Variants in ALMS1 observed in about 807,000 individuals in gnomAD.
ALMS1 encodes centrosome-associated protein ALMS1.
In ALMS1, 271 loss-of-function variants were observed where a neutral mutation model predicts 352.2. The observed-to-expected ratio is 0.77, with a 90% CI of 0.70 to 0.85. The LOEUF (loss-of-function observed/expected upper bound fraction) is 0.85. Ranked by LOEUF, ALMS1 falls within the 40% of genes least tolerant of loss-of-function variation. The pLI is 0.00. For missense variants in ALMS1, 5,445 were observed against 4,870.7 expected (o/e 1.12, Z -3.51); for synonymous variants, 1,865 against 1,761.2 (o/e 1.06, Z -1.48).
rs369192431 is a variant in ALMS1 at position 73,608,452 on chromosome 2, C to T, written c.12363-23C>T. On this transcript the variant is annotated intron_variant, in intron 21 of 22. Coordinates refer to ENST00000613296, the MANE Select transcript of ALMS1 (RefSeq NM_001378454.1). ...CCTGGTAACCTCCCCGATTTCTGTC[C>T]TTTCACTGGTGCCATTTCTAAGGAT... The T allele has an allele frequency of 8.8e-5, 140 of 1,597,558 alleles. No individual in the cohort carries two copies. The African/African-American group carries it at 1.8e-3, about 20-fold the overall frequency.
Position 73,410,273 on chromosome 2 carries a change from C to T in ALMS1, c.450+1526C>T, listed in dbSNP as rs374590344. The stretch of plus-strand genomic sequence containing the variant: ...GCGTGGTGGTGCACACCTGTAATTG[C>T]AGCTACTTGGGAGGCTGAGGCAAGA... On this transcript the variant is annotated intron_variant, in intron 2 of 22. Transcript: ENST00000613296. 7.2e-5 allele frequency among the ~76,000 whole-genome samples: 11 copies of T among 152,226 alleles called. No individual in the cohort carries two copies. In the South Asian group the frequency reaches 2.1e-3, roughly 29 times the overall value.
chr2:73,442,595 G>T (rs970970635), intron 7 of ALMS1, among the ~76,000 whole-genome samples: 5 of 152,100 alleles, frequency 3.3e-5, no homozygotes, highest in Non-Finnish European at 7.4e-5. Flanking sequence ...TATGATAAAG[G>T]CATGAAAGAG....
chr2:73,607,042 A>G (rs948265145), intron 21 of ALMS1, among the ~76,000 whole-genome samples: 1 of 152,330 alleles, frequency 6.6e-6, no homozygotes, highest in Admixed American at 6.5e-5. Flanking sequence ...TTTAGGAAAT[A>G]TAGAGAAAAG....
At position 73,502,699 on chromosome 2, in the gene ALMS1, G is replaced by A. The variant is rs545319491; in HGVS notation, c.9539+11201G>A. On this transcript the variant is annotated intron_variant, in intron 10 of 22. Coordinates refer to ENST00000613296, the MANE Select transcript of ALMS1 (RefSeq NM_001378454.1). ...TCTACTGATGTAGTGAATTACATTG[G>A]TCCAGTTGATCAACTGTATTGTTGA... is the stretch of plus-strand genomic sequence containing the variant. Among the ~76,000 whole-genome samples the A allele has an allele frequency of 2.6e-5, 4 of 152,130 alleles. 1 individual carries two copies. In the South Asian group the frequency reaches 8.3e-4, roughly 32 times the overall value.
chr2:73,556,729 G>A (rs1395255824), intron 13 of ALMS1, among the ~76,000 whole-genome samples: 2 of 150,308 alleles, frequency 1.3e-5, no homozygotes, highest in African/African-American at 4.9e-5. Context: ...TTTTGAGACA[G>A]AGTCTCACTG....
rs1673422213 is a variant in ALMS1, at chr2:73,510,289, G to A, written c.9540-9486G>A. ...AGTTGTGATCCTTTGGAGGAGAAGA[G>A]GCATTCTGGTTTTGGAATTTTCAGC... is the stretch of plus-strand genomic sequence containing the variant. On this transcript the variant is annotated intron_variant, in intron 10 of 22. Transcript: ENST00000613296. 2.6e-5 allele frequency among the ~76,000 whole-genome samples: 4 copies of A among 152,262 alleles called. No individual in the cohort carries two copies. In the South Asian group the frequency reaches 8.3e-4, roughly 32 times the overall value.
At chr2:73,471,902 GT>G (rs1450428665) in intron 9 of ALMS1, among the ~76,000 whole-genome samples, 2 of 151,908 alleles carry the variant, frequency 1.3e-5, no homozygotes, top group Admixed American at 6.6e-5. Flanking sequence ...GAGATCCCAT[GT>G]TCACAATAGC....
intron 1 of ALMS1, among the ~76,000 whole-genome samples, chr2:73,386,404 G>A (rs541590073): frequency 2.0e-5 from 3 of 152,280 alleles, no homozygotes; most frequent in Admixed American, 2.0e-4. Flanking sequence ...CCTCCCCCTC[G>A]GTGGGTCCTG....
intron 13 of ALMS1, among the ~76,000 whole-genome samples, chr2:73,554,378 A>G (rs184046906): frequency 1.3e-5 from 2 of 152,206 alleles, no homozygotes; most frequent in Admixed American, 6.5e-5. Context: ...GGTAAATTCA[A>G]CAGTACATTT....
chr2:73,385,895 G>A lies in ALMS1; in HGVS notation c.27G>A (p.Pro9=), dbSNP rs1283224132. 4.5e-6 allele frequency: 4 copies of A among 882,760 alleles called. No individual in the cohort carries two copies. Among genetic ancestry groups the A allele is most frequent in the Admixed American group, 2.0e-5 (1 of 49,036 alleles). 54.7% of individuals were successfully genotyped at this position (882,760 alleles called of 1,614,324 possible). ...TGGAGCCCGAGGATCTGCCATGGCC[G>A]GGCGAGCTGGAGGAGGAGGAGGAGG... is the stretch of plus-strand genomic sequence containing the variant. MEPEDLPW[P]GELEEEEEEE... is the part of the protein sequence containing the mutation. Residue 9 remains proline, a synonymous_variant, in exon 1 of 23, where the codon CCG becomes CCA. Transcript: ENST00000613296.
chr2:73,535,357 GTTAT>G (rs1674006078), intron 12 of ALMS1, among the ~76,000 whole-genome samples: 1 of 151,726 alleles, frequency 6.6e-6, no homozygotes, highest in African/African-American at 2.4e-5. Context: ...TAACAAATTT[GTTAT>G]TTATTTTTGG....
At chr2:73,400,473 AT>A (rs900543448) in intron 1 of ALMS1, among the ~76,000 whole-genome samples, 10 of 152,264 alleles carry the variant, frequency 6.6e-5, no homozygotes, top group African/African-American at 2.4e-4. Flanking sequence ...ATTAAGAAGT[AT>A]TCTCTCTGAT....
intron 16 of ALMS1, among the ~76,000 whole-genome samples, chr2:73,594,666 T>A (rs2104173230): frequency 6.6e-6 from 1 of 152,338 alleles, no homozygotes; most frequent in Non-Finnish European, 1.5e-5. Flanking sequence ...TATCAAAGGC[T>A]TTAACTTAAA....
At chr2:73,444,606 C>T (rs1671772949) in intron 7 of ALMS1, among the ~76,000 whole-genome samples, 2 of 152,052 alleles carry the variant, frequency 1.3e-5, no homozygotes, top group East Asian at 3.8e-4. Context: ...AAAACAGTGC[C>T]CTATTATCTT....
chr2:73,490,305 TAAAG>T lies in ALMS1; in HGVS notation c.8349_8352del (p.Glu2784Ter), dbSNP rs1553409710. ...TTAAAATGCATAGTAATTCACAAGA[TAAAG>T]AAGTGACTATTTTAGCAGAAGGTAG... On this transcript the variant is annotated frameshift_variant, in exon 10 of 23. Coordinates refer to ENST00000613296, the MANE Select transcript of ALMS1 (RefSeq NM_001378454.1). LOFTEE classifies it high-confidence loss of function. The T allele has an allele frequency of 6.2e-7, 1 of 1,612,320 alleles. No homozygotes were observed. Among genetic ancestry groups the T allele is most frequent in the Non-Finnish European group, 8.5e-7 (1 of 1,179,282 alleles).
chr2:73,559,520 T>C (rs547489028), intron 15 of ALMS1, among the ~76,000 whole-genome samples: 8 of 152,244 alleles, frequency 5.3e-5, no homozygotes, highest in Middle Eastern at 3.4e-3. Context: ...TTTAAAAAAT[T>C]ACAATAAAAT....
In ALMS1 at chr2:73,601,260, A is replaced by G; in HGVS notation, c.11938A>G (p.Thr3980Ala). ...SRSKKENVPN[T>A]CGPGISWFEP... ...ATCAAAGAAGGAAAACGTGCCTAACACTTGTGGCCCTGGCATCTCCTGGTT... is the reference window on the plus strand; with the variant it reads ...ATCAAAGAAGGAAAACGTGCCTAACGCTTGTGGCCCTGGCATCTCCTGGTT... The change falls in exon 19 of 23, where the codon ACT becomes GCT. Residue 3980 changes from threonine (T) to alanine (A), a missense_variant. Physicochemically the swap from Thr to Ala is moderately conservative, Grantham distance 58 (BLOSUM62 0). Transcript: ENST00000613296. 6.2e-7 allele frequency: 1 copy of G among 1,614,198 alleles called. No individual in the cohort carries two copies. The highest frequency in any genetic ancestry group is 8.5e-7 in the Non-Finnish European group (1 of 1,180,030).
At chr2:73,487,143 C>T (rs1170321755) in intron 9 of ALMS1, among the ~76,000 whole-genome samples, 1 of 152,202 alleles carries the variant, frequency 6.6e-6, no homozygotes, top group Non-Finnish European at 1.5e-5. Context: ...GCACCTTCTG[C>T]CTGAGTATTG....
At chr2:73,512,372 C>G (rs1207090897) in intron 10 of ALMS1, among the ~76,000 whole-genome samples, 1 of 151,654 alleles carries the variant, frequency 6.6e-6, no homozygotes, top group Non-Finnish European at 1.5e-5. Flanking sequence ...CGTAAGCTAC[C>G]ACGCCTGTCC....
Sources: allele counts gnomAD v4.1 joint callset (sites outside exome capture counted in the v4.1 genomes callset), GRCh38; gene constraint gnomAD v4.1.1; transcripts MANE v1.5; gene names NCBI Gene and HGNC (gene_info 2026-07-23, HGNC 2026-07-21).